LTBP4: variants seen among roughly 807,000 people sequenced by gnomAD.
LTBP4 encodes latent transforming growth factor beta binding protein 4, also known as latent-transforming growth factor beta-binding protein 4.
In LTBP4, 93 loss-of-function variants were observed where a neutral mutation model predicts 180.2. The ratio of observed to expected loss-of-function variants is 0.52; its 90% CI spans 0.44 to 0.61. LTBP4 has a LOEUF of 0.61. Ranked by LOEUF, LTBP4 falls within the 20% of genes least tolerant of loss-of-function variation. The pLI is 0.00. For synonymous variants in LTBP4, 947 were observed against 934.5 expected (o/e 1.01, Z -0.24); for missense variants, 2,116 against 2,256.5 (o/e 0.94, Z 1.26).
Position 40,627,253 on chromosome 19 carries a change from C to A in LTBP4, c.4264C>A (p.Pro1422Thr). Residue 1422 changes from proline to threonine, a missense_variant, in exon 28 of 30, where the codon CCT becomes ACT. By Grantham distance (38) the Pro-to-Thr change is conservative. Transcript: ENST00000396819. The stretch of plus-strand genomic sequence containing the variant: ...TGGCCCCTATGGCGAATCTGAGGCT[C>A]CTGCGCCACCTGGCCCGGGCACCCG... The part of the protein sequence containing the change: ...DGGPYGESEA[P>T]APPGPGTRWP... The A allele has an allele frequency of 6.3e-7, 1 of 1,580,958 alleles. No individual in the cohort carries two copies. The highest frequency in any genetic ancestry group is 8.6e-7 in the Non-Finnish European group (1 of 1,166,780).
chr19:40,611,012 G>A lies in LTBP4; in HGVS notation c.1811-140G>A. 1 of 1,196,764 alleles carries A rather than the reference G, an allele frequency of 8.4e-7. No homozygotes were observed. Among genetic ancestry groups the A allele is most frequent in the Non-Finnish European group, 1.2e-6 (1 of 849,964 alleles). 74.1% of individuals were successfully genotyped at this position (1,196,764 alleles called of 1,614,324 possible). A position where few individuals can be genotyped will look rare whatever the true frequency, so the allele number is the denominator to read the frequency against. On this transcript the variant is annotated intron_variant, in intron 12 of 29. Coordinates refer to ENST00000396819, the MANE Select transcript of LTBP4 (RefSeq NM_001042545.2). The surrounding 1 kb of genome is among the most constrained non-coding windows in gnomAD (Gnocchi z 4.4). ...GGCAGCTTAGTAGGGATTGGTGGAG[G>A]ATGCAGAGTCAGATGATGGTGACAA... is the stretch of plus-strand genomic sequence containing the variant.
At chr19:40,603,883 C>T (rs991125530) in intron 1 of LTBP4, among the ~76,000 whole-genome samples, 2 of 152,242 alleles carry the variant, frequency 1.3e-5, no homozygotes, top group Non-Finnish European at 2.9e-5. Flanking sequence ...CCGCCCTGCC[C>T]CCGCCGCACC....
At chr19:40,608,957 A>G in intron 9 of LTBP4, 1 of 220,718 alleles carries the variant, frequency 4.5e-6, no homozygotes, top group South Asian at 6.4e-5. Flanking sequence ...TACAGGTGGG[A>G]TTCTGGGGTA....
At position 40,608,509 on chromosome 19, in the gene LTBP4, G is replaced by C. The variant is rs1555732950; in HGVS notation, c.1332G>C (p.Glu444Asp). 6.2e-7 allele frequency: 1 copy of C among 1,605,916 alleles called. No individual in the cohort carries two copies. Among genetic ancestry groups the C allele is most frequent in the Non-Finnish European group, 8.5e-7 (1 of 1,176,480 alleles). ...GCTTTCTGCCCACCCATCGCCTGGA[G>C]CCCCGGCCTGAACCCCGGCCCGATC... ...SAGFLPTHRL[E>D]PRPEPRPDPR... is the part of the protein sequence containing the mutation. The change falls in exon 9 of 30, where the codon GAG becomes GAC. Residue 444 changes from glutamate to aspartate, a missense_variant. Glu to Asp is a conservative substitution (Grantham distance 45). Transcript: ENST00000396819.
In LTBP4 at chr19:40,613,489, C is replaced by T. The variant is rs773458199; in HGVS notation, c.2517C>T (p.Ala839=). The T allele has an allele frequency of 8.8e-6, 14 of 1,585,786 alleles. No individual in the cohort carries two copies. Among genetic ancestry groups the T allele is most frequent in the Non-Finnish European group, 1.2e-5 (14 of 1,166,848 alleles). The part of the protein sequence containing the change: ...NTDGSFACTC[A]PGYRPGPRGA... Reference sequence around the variant, plus strand: ...ACGGCTCCTTTGCCTGTACTTGTGCCCCTGGCTACCGACCCGGACCCCGCG... The same window carrying T: ...ACGGCTCCTTTGCCTGTACTTGTGCTCCTGGCTACCGACCCGGACCCCGCG... The change falls in exon 17 of 30, where the codon GCC becomes GCT. Residue 839 remains alanine, a synonymous_variant. Transcript: ENST00000396819. The surrounding 1 kb of genome is among the most constrained non-coding windows in gnomAD (Gnocchi z 5.0).
chr19:40,613,381 G>A lies in LTBP4; in HGVS notation c.2432-23G>A, dbSNP rs967241313. On this transcript the variant is annotated intron_variant, in intron 16 of 29. Coordinates refer to ENST00000396819, the MANE Select transcript of LTBP4 (RefSeq NM_001042545.2). The surrounding 1 kb of genome is among the most constrained non-coding windows in gnomAD (Gnocchi z 5.0). ...CTGGGAGGCCGGGTCCCGTGACTCC[G>A]CCCAATCTCCCGCGTACCCTAGACG... 8 of 1,600,258 alleles carry A rather than the reference G, an allele frequency of 5.0e-6. No individual in the cohort carries two copies. Among genetic ancestry groups the A allele is most frequent in the Middle Eastern group, 1.6e-4 (1 of 6,082 alleles).
At position 40,611,354 on chromosome 19, in the gene LTBP4, T is replaced by C. The variant is rs764338515; in HGVS notation, c.2013T>C (p.Pro671=). 3.9e-5 allele frequency: 62 copies of C among 1,608,922 alleles called. No individual in the cohort carries two copies. Among genetic ancestry groups the C allele is most frequent in the Non-Finnish European group, 4.8e-5 (56 of 1,178,458 alleles). The change falls in exon 13 of 30, where the codon CCT becomes CCC. Residue 671 remains proline (P), a synonymous_variant. Transcript: ENST00000396819. This position sits in a 1 kb window ranked among gnomAD's most constrained non-coding sequence, Gnocchi z 4.4. The part of the protein sequence containing the change: ...NTAGSFHCAC[P]AGFRSRGPGA... The stretch of plus-strand genomic sequence containing the variant: ...CAGGCTCCTTTCACTGTGCCTGCCC[T>C]GCTGGCTTCCGCTCCCGAGGGCCCG...
upstream of LTBP4, chr19:40,599,205 T>C (rs769281501): frequency 5.7e-5 from 91 of 1,609,988 alleles, 2 homozygotes; most frequent in South Asian, 9.5e-4. Flanking sequence ...AGCGTTGCTG[T>C]TTGTCGCTGC....
At position 40,624,031 on chromosome 19, in the gene LTBP4, G is replaced by A; in HGVS notation, c.3781G>A (p.Val1261Met). ...SYHCTCEPPL[V>M]LDGSQRRCVS... Reference sequence around the variant, plus strand: ...TCACTGTACCTGCGAGCCCCCACTGGTGCTGGATGGCTCGCAGCGCCGCTG... The same window carrying A: ...TCACTGTACCTGCGAGCCCCCACTGATGCTGGATGGCTCGCAGCGCCGCTG... Residue 1261 changes from valine to methionine, a missense_variant, in exon 26 of 30, where the codon GTG (valine) becomes ATG (methionine). Val to Met is a conservative substitution (Grantham distance 21). Transcript: ENST00000396819. 2 of 1,602,842 alleles carry A rather than the reference G, an allele frequency of 1.2e-6. No individual in the cohort carries two copies. The highest frequency in any genetic ancestry group is 1.7e-6 in the Non-Finnish European group (2 of 1,172,506).
chr19:40,613,036 C>T lies in LTBP4; in HGVS notation c.2300-29C>T, dbSNP rs748660528. The T allele has an allele frequency of 1.3e-5, 21 of 1,608,576 alleles. No homozygotes were observed. Among genetic ancestry groups the T allele is most frequent in the Non-Finnish European group, 1.7e-5 (20 of 1,177,176 alleles). On this transcript the variant is annotated intron_variant, in intron 15 of 29. Coordinates refer to ENST00000396819, the MANE Select transcript of LTBP4 (RefSeq NM_001042545.2). The surrounding 1 kb of genome is among the most constrained non-coding windows in gnomAD (Gnocchi z 5.0). ...TGGTCGGGTGTGTCCCGAGACTGGACCCTTTCTGAACACCCCCACCCCCCA... is the reference window on the plus strand; with the variant it reads ...TGGTCGGGTGTGTCCCGAGACTGGATCCTTTCTGAACACCCCCACCCCCCA...
chr19:40,621,725 C>G (rs889789295), intron 22 of LTBP4, among the ~76,000 whole-genome samples: 2 of 152,002 alleles, frequency 1.3e-5, no homozygotes, highest in African/African-American at 4.8e-5. Flanking sequence ...GGTGGGGAAG[C>G]TGTGTCCAAG....
chr19:40,622,670 G>A lies in LTBP4; in HGVS notation c.3484+3G>A. ...GCAGTGCCCGGGCACCGAGACAGGT[G>A]GGCATGGGCTGATGGGGACACAGGG... On this transcript the variant is annotated splice_donor_region_variant and intron_variant, in intron 23 of 29. Transcript: ENST00000396819. This position sits in a 1 kb window ranked among gnomAD's most constrained non-coding sequence, Gnocchi z 5.1. The A allele has an allele frequency of 1.3e-6, 2 of 1,598,146 alleles. No homozygotes were observed. Among genetic ancestry groups the A allele is most frequent in the South Asian group, 1.1e-5 (1 of 90,296 alleles).
At chr19:40,606,721 C>G (rs189455797) in intron 6 of LTBP4, among the ~76,000 whole-genome samples, 195 bp downstream of exon 6, 123 of 152,254 alleles carry the variant, frequency 8.1e-4, no homozygotes, top group African/African-American at 2.9e-3. Context: ...ACCTTTCAAG[C>G]CTTTTGGATC....
chr19:40,608,766 CTG>C (rs1568404999), intron 9 of LTBP4, 163 bp downstream of exon 9: 2 of 747,532 alleles, frequency 2.7e-6, no homozygotes, highest in African/African-American at 3.5e-5. Context: ...CAAAAATTAA[CTG>C]GGCGTGGTGG....
At chr19:40,614,182 C>T (rs2081530115) in intron 18 of LTBP4, 133 bp from the exon 19 acceptor site, 2 of 1,434,790 alleles carry the variant, frequency 1.4e-6, no homozygotes. Flanking sequence ...CCCCAACTCT[C>T]CTCTACCCCA....
chr19:40,610,386 C>A, intron 11 of LTBP4, 146 bp from the exon 12 acceptor site: 1 of 901,246 alleles, frequency 1.1e-6, no homozygotes, highest in South Asian at 1.7e-5. Flanking sequence ...TCTCACTGTG[C>A]CCCTCTCCGG....
In LTBP4 at chr19:40,613,936, G is replaced by T; in HGVS notation, c.2578G>T (p.Glu860Ter). ...CGCAGACGTTGACGAGTGCAGCGAG[G>T]AGGACCTTTGCCAGAGCGGCATCTG... ...SCLDVDECSE[E>*]DLCQSGICTN... The change falls in exon 18 of 30, where the codon GAG becomes TAG. Residue 860 changes from glutamate to a stop codon, truncating the protein, a stop_gained. Transcript: ENST00000396819. LOFTEE classifies it high-confidence loss of function. The surrounding 1 kb of genome is among the most constrained non-coding windows in gnomAD (Gnocchi z 5.0). The T allele has an allele frequency of 6.2e-7, 1 of 1,613,696 alleles. No individual in the cohort carries two copies.
Position 40,613,664 on chromosome 19 carries a change from T to G in LTBP4, c.2557+135T>G. On this transcript the variant is annotated intron_variant, in intron 17 of 29. Transcript: ENST00000396819. The surrounding 1 kb of genome is among the most constrained non-coding windows in gnomAD (Gnocchi z 5.0). ...TCCAGCAGGATCAGGGGGCAGCTGGTGGGAGTCTCGAGGCAGTGAGGGGGG... is the reference window on the plus strand; with the variant it reads ...TCCAGCAGGATCAGGGGGCAGCTGGGGGGAGTCTCGAGGCAGTGAGGGGGG... 2.2e-6 allele frequency: 3 copies of G among 1,393,316 alleles called. No individual in the cohort carries two copies. The highest frequency in any genetic ancestry group is 2.9e-6 in the Non-Finnish European group (3 of 1,023,280). The allele number at this position is 1,393,316 out of a possible 1,614,324, so 86.3% of individuals were successfully genotyped here. A position where few individuals can be genotyped will look rare whatever the true frequency, so the allele number is the denominator to read the frequency against.
chr19:40,610,950 G>C, intron 12 of LTBP4: 2 of 746,130 alleles, frequency 2.7e-6, no homozygotes, highest in Non-Finnish European at 4.3e-6. Flanking sequence ...GGGAGAAGGA[G>C]GCCTTCTCAT....
Sources: gnomAD v4.1 joint callset for allele counts (sites outside exome capture counted in the v4.1 genomes callset) on GRCh38, gnomAD v4.1.1 for gene constraint, Gnocchi (gnomAD v3.1) non-coding constraint, MANE v1.5 for transcripts, NCBI Gene and HGNC (gene_info 2026-07-23, HGNC 2026-07-21) for gene names.